NFIB: variants seen among roughly 807,000 people sequenced by gnomAD.
NFIB encodes the protein nuclear factor I B, also known as nuclear factor 1 B-type.
Under a neutral mutation model 61.5 loss-of-function variants are expected in NFIB, and 11 were observed. The ratio of observed to expected loss-of-function variants is 0.18; its 90% CI spans 0.11 to 0.30. The LOEUF is 0.30. NFIB is among the 10% of genes least tolerant of loss of function. The probability of loss-of-function intolerance (pLI) is 1.00; values close to 1 mark genes in which losing one functional copy is unlikely to be tolerated. For synonymous variants in NFIB, 260 were observed against 216.5 expected (o/e 1.20, Z -1.76); for missense variants, 471 against 608.9 (o/e 0.77, Z 2.38).
chr9:14,138,992 T>C (rs2041384884), intron 6 of NFIB, among the ~76,000 whole-genome samples: 1 of 152,158 alleles, frequency 6.6e-6, no homozygotes. Flanking sequence ...AATACACCTC[T>C]ATTTTCTCAT....
At chr9:14,483,028 A>C in the NFIB span, among the ~76,000 whole-genome samples, 5 of 152,196 alleles carry the variant, frequency 3.3e-5, no homozygotes, top group African/African-American at 9.7e-5. Context: ...GCACCCAGAC[A>C]ATGATCGTCT....
In NFIB at chr9:14,249,772, G is replaced by A. The variant is rs183874176; in HGVS notation, c.562+57217C>T. Among the ~76,000 whole-genome samples, 10 of 152,172 alleles carry A rather than the reference G, an allele frequency of 6.6e-5. No homozygotes were observed. In the East Asian group the frequency reaches 1.9e-3, roughly 29 times the overall value. On this transcript the variant is annotated intron_variant, in intron 2 of 10. Coordinates refer to ENST00000380953, the MANE Select transcript of NFIB (RefSeq NM_001190737.2). The stretch of plus-strand genomic sequence containing the variant: ...AGGGCAGAAGAGAGAATGGAAAAGT[G>A]AGAGGGGAAGGTAATTCCACAACCC...
chr9:14,178,949 T>G (rs1364150083), intron 3 of NFIB, among the ~76,000 whole-genome samples: 1 of 152,018 alleles, frequency 6.6e-6, no homozygotes, highest in Non-Finnish European at 1.5e-5. Flanking sequence ...TGGTTCGGGG[T>G]TTTTGTGTTT....
At chr9:14,334,504 T>G (rs140208346) in intron 1 of NFIB, among the ~76,000 whole-genome samples, 207 of 152,304 alleles carry the variant, frequency 1.4e-3, no homozygotes, top group African/African-American at 4.6e-3. Flanking sequence ...TGTTCAAATA[T>G]TTTTCCCGTT....
chr9:14,128,019 A>G (rs1017880375), intron 6 of NFIB, among the ~76,000 whole-genome samples: 2 of 151,970 alleles, frequency 1.3e-5, no homozygotes, highest in Non-Finnish European at 2.9e-5. Context: ...AATTTAAACC[A>G]TGGTTTAAAA....
the NFIB span, among the ~76,000 whole-genome samples, chr9:14,481,047 A>G: frequency 6.6e-6 from 1 of 151,100 alleles, no homozygotes; most frequent in East Asian, 1.9e-4. Context: ...ATTTTGCCAG[A>G]CTGGGGAGCA....
At position 14,394,989 on chromosome 9, in the gene NFIB, C is replaced by A. The variant is rs140262234; in HGVS notation, c.108+3535G>T. Among the ~76,000 whole-genome samples, 247 of 152,100 alleles carry A rather than the reference C, an allele frequency of 1.6e-3. 3 individuals are homozygous for A. Among genetic ancestry groups the A allele is most frequent in the African/African-American group, 5.4e-3 (223 of 41,506 alleles). On this transcript the variant is annotated intron_variant, in intron 1 of 8. Coordinates refer to the NFIB transcript ENST00000380934. Reference sequence around the variant, plus strand: ...AAGGAAAATATTTTTCCCTTATAACCTCCTCTGGTCCACTCAATCTCCGCA... The same window carrying A: ...AAGGAAAATATTTTTCCCTTATAACATCCTCTGGTCCACTCAATCTCCGCA...
At chr9:14,200,106 G>T (rs947200147) in intron 2 of NFIB, among the ~76,000 whole-genome samples, 5 of 152,132 alleles carry the variant, frequency 3.3e-5, no homozygotes, top group African/African-American at 1.2e-4. Context: ...ATTTAAAGGG[G>T]TGTGCTCAGT....
the NFIB span, among the ~76,000 whole-genome samples, chr9:14,418,737 A>G: frequency 6.6e-6 from 1 of 152,208 alleles, no homozygotes; most frequent in African/African-American, 2.4e-5. Flanking sequence ...TAAAATTCCC[A>G]TATTACATTC....
At chr9:14,130,948 G>C (rs1468652127) in intron 6 of NFIB, among the ~76,000 whole-genome samples, 1 of 152,168 alleles carries the variant, frequency 6.6e-6, no homozygotes, top group Non-Finnish European at 1.5e-5. Flanking sequence ...CTATGGCTAT[G>C]CATCAAGATG....
Position 14,300,182 on chromosome 9 carries a change from A to G in NFIB, c.562+6807T>C, listed in dbSNP as rs182367046. On this transcript the variant is annotated intron_variant, in intron 2 of 10. Coordinates refer to ENST00000380953, the MANE Select transcript of NFIB (RefSeq NM_001190737.2). ...AGAATTTACTTTAAAATGAGACAAC[A>G]TACCACGTTGCCACAGAAAAGTGAG... is the stretch of plus-strand genomic sequence containing the variant. 1.0e-3 allele frequency: 418 copies of G among 398,534 alleles called. 4 individuals are homozygous for G. In the East Asian group the frequency reaches 0.014, roughly 14 times the overall value. The allele number at this position is 398,534 out of a possible 1,614,324, so 24.7% of individuals were successfully genotyped here.
Position 14,313,637 on chromosome 9 carries a change from C to T in NFIB, c.-126G>A. 1 of 1,559,320 alleles carries T rather than the reference C, an allele frequency of 6.4e-7. No individual in the cohort carries two copies. The highest frequency in any genetic ancestry group is 8.7e-7 in the Non-Finnish European group (1 of 1,153,624). The stretch of plus-strand genomic sequence containing the variant: ...CGATCAATCAGGACGGGGCTCTGCG[C>T]TGGATCACCGCAACTTCACAACAAA... On this transcript the variant is annotated 5_prime_UTR_variant, in exon 1 of 11. Coordinates refer to ENST00000380953, the MANE Select transcript of NFIB (RefSeq NM_001190737.2). The surrounding 1 kb of genome is among the most constrained non-coding windows in gnomAD (Gnocchi z 4.5).
intron 2 of NFIB, among the ~76,000 whole-genome samples, chr9:14,182,688 C>CTCTG (rs1435244628): frequency 1.7e-5 from 2 of 116,278 alleles, no homozygotes; most frequent in African/African-American, 6.6e-5. Context: ...CCCCACCTCT[C>CTCTG]TCTCTCTCTC....
chr9:14,480,436 T>A, the NFIB span, among the ~76,000 whole-genome samples: 2 of 152,152 alleles, frequency 1.3e-5, no homozygotes, highest in African/African-American at 4.8e-5. Flanking sequence ...TTGAGAGATT[T>A]CCTTGATGCT....
At chr9:14,486,725 A>C in the NFIB span, among the ~76,000 whole-genome samples, 1 of 152,216 alleles carries the variant, frequency 6.6e-6, no homozygotes. Flanking sequence ...ATACACACAC[A>C]GAGAGTTAAG....
the NFIB span, among the ~76,000 whole-genome samples, chr9:14,499,866 T>C: frequency 6.6e-6 from 1 of 152,196 alleles, no homozygotes; most frequent in African/African-American, 2.4e-5. Flanking sequence ...AGAAGACTCC[T>C]AGGCTGAAGG....
the NFIB span, among the ~76,000 whole-genome samples, chr9:14,486,782 G>A: frequency 6.6e-6 from 1 of 152,132 alleles, no homozygotes; most frequent in South Asian, 2.1e-4. Context: ...ATATAGCATG[G>A]TGGGGTATAA....
intron 2 of NFIB, among the ~76,000 whole-genome samples, chr9:14,195,852 G>T (rs1339798999): frequency 1.3e-5 from 2 of 151,554 alleles, no homozygotes; most frequent in Admixed American, 1.3e-4. Context: ...AAGGGCATTG[G>T]GAGGAAAAAG....
chr9:14,169,095 G>C (rs919461351), intron 3 of NFIB, among the ~76,000 whole-genome samples: 2 of 152,122 alleles, frequency 1.3e-5, no homozygotes, highest in Admixed American at 6.6e-5. Flanking sequence ...AATGACAGCA[G>C]TCCAAAATAC....
Sources: gnomAD v4.1 joint callset for allele counts (sites outside exome capture counted in the v4.1 genomes callset) on GRCh38, gnomAD v4.1.1 for gene constraint, Gnocchi (gnomAD v3.1) non-coding constraint, MANE v1.5 for transcripts, NCBI Gene and HGNC (gene_info 2026-07-23, HGNC 2026-07-21) for gene names.